Variants in EGFLAM observed in about 807,000 individuals in gnomAD.
EGFLAM encodes the protein pikachurin.
EGFLAM carries 79 observed loss-of-function variants against 113.1 expected under a neutral mutation model. That is an observed-to-expected ratio of 0.70 (90% CI 0.58 to 0.84). The LOEUF is 0.84. Among genes scored for constraint, EGFLAM ranks in the 40% least tolerant of loss-of-function variants. The pLI is 0.00. For missense variants in EGFLAM, 1,265 were observed against 1,291.6 expected (o/e 0.98, Z 0.32); for synonymous variants, 504 against 487.6 (o/e 1.03, Z -0.44).
chr5:38,279,903 T>C (rs1757973255), intron 1 of EGFLAM, among the ~76,000 whole-genome samples: 1 of 152,130 alleles, frequency 6.6e-6, no homozygotes, highest in Admixed American at 6.5e-5. Flanking sequence ...TGTGAGGTAA[T>C]GCATTTGTTA....
chr5:38,392,411 A>G (rs2956588), intron 6 of EGFLAM, among the ~76,000 whole-genome samples: 18,652 of 152,236 alleles, frequency 0.12, 2,296 homozygotes, highest in African/African-American at 0.32. Flanking sequence ...CAGTGCTGCA[A>G]TGAACATCCG....
chr5:38,266,763 G>T (rs1757643564), intron 1 of EGFLAM, among the ~76,000 whole-genome samples: 1 of 152,194 alleles, frequency 6.6e-6, no homozygotes, highest in Admixed American at 6.5e-5. Flanking sequence ...GCAGGATGTG[G>T]TAGGGCAGCA....
chr5:38,336,861 A>C (rs1337025748), intron 1 of EGFLAM, among the ~76,000 whole-genome samples: 1 of 152,174 alleles, frequency 6.6e-6, no homozygotes, highest in Admixed American at 6.5e-5. Flanking sequence ...TTTAAATTGC[A>C]TGTGACCAAC....
chr5:38,260,816 G>A (rs1561252690), intron 1 of EGFLAM, among the ~76,000 whole-genome samples: 3 of 152,194 alleles, frequency 2.0e-5, no homozygotes, highest in African/African-American at 7.2e-5. Context: ...GGAAAGACTA[G>A]TTTTTGATCC....
intron 3 of EGFLAM, among the ~76,000 whole-genome samples, chr5:38,350,210 C>T (rs1160076883): frequency 6.6e-6 from 1 of 152,114 alleles, no homozygotes; most frequent in Admixed American, 6.5e-5. Flanking sequence ...CAACGTAGTA[C>T]TTTGATCAAA....
intron 1 of EGFLAM, among the ~76,000 whole-genome samples, chr5:38,272,775 T>TGTGC (rs1757796556): frequency 2.0e-5 from 3 of 151,932 alleles, no homozygotes; most frequent in East Asian, 3.8e-4. Flanking sequence ...TGTGTGTGTG[T>TGTGC]GTCTGTGTCT....
rs144029237 is a variant in EGFLAM at position 38,448,352 on chromosome 5, C to T, written c.2516C>T (p.Thr839Met). ...CAGTTTATCGGCCGCAGTTACCTGA[C>T]GTATGACAACCCAGATATCTTGAAG... ...IPQFIGRSYL[T>M]YDNPDILKRV... The change falls in exon 18 of 22, where the codon ACG becomes ATG. Residue 839 changes from threonine (T) to methionine (M), a missense_variant. Thr to Met is a moderately conservative substitution (Grantham distance 81, BLOSUM62 -1). Transcript: ENST00000322350. 8.0e-5 allele frequency: 129 copies of T among 1,614,144 alleles called. 3 individuals carry two copies. The South Asian group carries it at 1.1e-3, about 13-fold the overall frequency.
At chr5:38,394,711 CTTTTTTT>C (rs11451294) in intron 6 of EGFLAM, among the ~76,000 whole-genome samples, 3 of 121,698 alleles carry the variant, frequency 2.5e-5, no homozygotes, top group African/African-American at 9.9e-5. Flanking sequence ...GCCGGGCCCA[CTTTTTTT>C]TTTTTTTTTT....
intron 11 of EGFLAM, among the ~76,000 whole-genome samples, chr5:38,417,334 C>A (rs866160827): frequency 9.1e-6 from 1 of 109,438 alleles, no homozygotes; most frequent in Non-Finnish European, 1.7e-5. Flanking sequence ...GGAGACAGAG[C>A]GAGACTCTGT....
intron 11 of EGFLAM, among the ~76,000 whole-genome samples, chr5:38,413,769 C>A (rs1388279605): frequency 6.6e-6 from 1 of 152,182 alleles, no homozygotes; most frequent in Non-Finnish European, 1.5e-5. Flanking sequence ...TGGTCCCCAA[C>A]CTTTTTGGCA....
intron 15 of EGFLAM, among the ~76,000 whole-genome samples, chr5:38,432,279 G>A (rs929249124): frequency 3.3e-5 from 5 of 152,082 alleles, no homozygotes; most frequent in South Asian, 2.1e-4. Flanking sequence ...AGAGACTTTC[G>A]CTGGGGAAAG....
At chr5:38,314,524 A>G (rs2111871665) in intron 1 of EGFLAM, among the ~76,000 whole-genome samples, 1 of 152,310 alleles carries the variant, frequency 6.6e-6, no homozygotes, top group Non-Finnish European at 1.5e-5. Flanking sequence ...CAGATCACAG[A>G]GTGATTGCTA....
rs552248223 is a variant in EGFLAM at position 38,449,471 on chromosome 5, C to T, written c.2543+1092C>T. ...GACCGTCCTCCTTCTTCAGCCCTTTCTCTCCAAAGATGGAAGGTCATTCAG... is the reference window on the plus strand; with the variant it reads ...GACCGTCCTCCTTCTTCAGCCCTTTTTCTCCAAAGATGGAAGGTCATTCAG... On this transcript the variant is annotated intron_variant, in intron 18 of 21. Transcript: ENST00000322350. 2.8e-4 allele frequency among the ~76,000 whole-genome samples: 42 copies of T among 152,312 alleles called. No homozygotes were observed. The South Asian group carries it at 8.7e-3, about 32-fold the overall frequency.
intron 12 of EGFLAM, among the ~76,000 whole-genome samples, chr5:38,420,249 A>G (rs1741781209): frequency 6.6e-6 from 1 of 152,232 alleles, no homozygotes; most frequent in Admixed American, 6.5e-5. Flanking sequence ...CCATTGTTAT[A>G]ACTATAAAAG....
chr5:38,414,319 T>C (rs182402066), intron 11 of EGFLAM, among the ~76,000 whole-genome samples: 1 of 152,274 alleles, frequency 6.6e-6, no homozygotes, highest in Non-Finnish European at 1.5e-5. Flanking sequence ...GTTAGTTTGA[T>C]AGGAATAAAG....
intron 18 of EGFLAM, among the ~76,000 whole-genome samples, 174 bp from the exon 19 acceptor site, chr5:38,451,141 G>A (rs1049935835): frequency 3.3e-5 from 5 of 152,228 alleles, no homozygotes. Flanking sequence ...CTGCTGCTGA[G>A]TGAGCAGTCC....
At chr5:38,321,433 C>G (rs749797413) in intron 1 of EGFLAM, among the ~76,000 whole-genome samples, 1 of 152,206 alleles carries the variant, frequency 6.6e-6, no homozygotes, top group Non-Finnish European at 1.5e-5. Context: ...CAGAACAGTA[C>G]TGATCCATGG....
chr5:38,296,512 A>G (rs56194013), intron 1 of EGFLAM, among the ~76,000 whole-genome samples: 28,395 of 151,962 alleles, frequency 0.19, 3,161 homozygotes, highest in African/African-American at 0.3. Flanking sequence ...AATAAACATC[A>G]AAGGAATAAG....
rs1561077330 is a variant in EGFLAM, at chr5:38,412,550, A to G, written c.1396A>G (p.Ile466Val). ...TGCCATCATCGTAAGTGAGACCAAA[A>G]TCAAACTAGGGGGTTGGCACACGGT... ...GVAIIVSETK[I>V]KLGGWHTVML... Residue 466 changes from isoleucine to valine, a missense_variant, in exon 11 of 22, where the codon ATC becomes GTC. Ile to Val is a conservative substitution (Grantham distance 29). Coordinates refer to ENST00000322350, the MANE Select transcript of EGFLAM (RefSeq NM_152403.4). 6.2e-7 allele frequency: 1 copy of G among 1,614,138 alleles called. No homozygotes were observed. The highest frequency in any genetic ancestry group is 8.5e-7 in the Non-Finnish European group (1 of 1,180,028).
Sources: allele counts gnomAD v4.1 joint callset (sites outside exome capture counted in the v4.1 genomes callset), GRCh38; gene constraint gnomAD v4.1.1; transcripts MANE v1.5; gene names NCBI Gene and HGNC (gene_info 2026-07-23, HGNC 2026-07-21).